TRRAP: variants seen among roughly 807,000 people sequenced by gnomAD.
TRRAP encodes the protein transformation/transcription domain associated protein, also known as transformation/transcription domain-associated protein.
TRRAP carries 41 observed loss-of-function variants against 438.8 expected under a neutral mutation model. The observed-to-expected ratio is 0.09, with a 90% CI of 0.07 to 0.12. The LOEUF (loss-of-function observed/expected upper bound fraction) is 0.12. Ranked by LOEUF, TRRAP falls within the 10% of genes least tolerant of loss-of-function variation. TRRAP has a pLI of 1.00. For synonymous variants in TRRAP, 1,994 were observed against 1,962.9 expected (o/e 1.02, Z -0.42); for missense variants, 3,122 against 5,055.1 (o/e 0.62, Z 11.60).
At chr7:99,002,257 G>A (rs149929860) in intron 67 of TRRAP, among the ~76,000 whole-genome samples, 5 of 152,298 alleles carry the variant, frequency 3.3e-5, no homozygotes, top group Non-Finnish European at 5.9e-5. Context: ...AGAGGTGTGC[G>A]CATGCATACA....
In TRRAP at chr7:98,971,987, T is replaced by C. The variant is rs1584378229; in HGVS notation, c.7839+42T>C. 6 of 1,600,886 alleles carry C rather than the reference T, an allele frequency of 3.7e-6. No homozygotes were observed. In the East Asian group the frequency reaches 1.3e-4, roughly 36 times the overall value. On this transcript the variant is annotated intron_variant, in intron 53 of 72. Coordinates refer to ENST00000456197, the MANE Select transcript of TRRAP (RefSeq NM_001375524.1). ...GAAAGGATTCGTTGCTTTCCTCCCA[T>C]GGACAGTTCAAAGCCTAAATCAGGA...
rs782311270 is a variant in TRRAP, at chr7:98,949,776, G to A, written c.5070G>A (p.Glu1690=). ...ACTTCCAAGAGAGGCACCGCAAGGA[G>A]AACATGGCAGCCACCAACTGGAAGG... is the stretch of plus-strand genomic sequence containing the variant. ...SENFQERHRK[E]NMAATNWKEP... is the part of the protein sequence containing the mutation. The change falls in exon 37 of 73, where the codon GAG becomes GAA. Residue 1690 remains glutamate (E), a synonymous_variant. Coordinates refer to ENST00000456197, the MANE Select transcript of TRRAP (RefSeq NM_001375524.1). 8.1e-6 allele frequency: 13 copies of A among 1,613,740 alleles called. No individual in the cohort carries two copies. The highest frequency in any genetic ancestry group is 5.0e-5 in the Admixed American group (3 of 60,006).
At chr7:98,897,622 C>G in intron 7 of TRRAP, 119 bp from the exon 8 acceptor site, 1 of 1,306,674 alleles carries the variant, frequency 7.7e-7, no homozygotes, top group Non-Finnish European at 1.0e-6. Flanking sequence ...AAATGTAGAA[C>G]ATACTGTTTT....
At chr7:98,993,878 A>T in intron 66 of TRRAP, 141 bp downstream of exon 66, 2 of 791,312 alleles carry the variant, frequency 2.5e-6, no homozygotes, top group South Asian at 3.5e-5. Context: ...TGGACCAGGC[A>T]AATAGCTATC....
At chr7:98,966,835 G>T (rs1792180579) in intron 49 of TRRAP, among the ~76,000 whole-genome samples, 2 of 152,108 alleles carry the variant, frequency 1.3e-5, no homozygotes, top group African/African-American at 4.8e-5. Context: ...ATTTACAGTT[G>T]CTTTCTCTCT....
intron 1 of TRRAP, among the ~76,000 whole-genome samples, chr7:98,879,039 A>T (rs1378413832): frequency 6.6e-6 from 1 of 151,196 alleles, no homozygotes; most frequent in East Asian, 2.0e-4. Flanking sequence ...CCGGGCCTCT[A>T]CGCCGGCACT....
At chr7:98,939,616 A>G (rs782350181) in intron 30 of TRRAP, among the ~76,000 whole-genome samples, 1 of 152,238 alleles carries the variant, frequency 6.6e-6, no homozygotes, top group Non-Finnish European at 1.5e-5. Flanking sequence ...ATACACACCT[A>G]TCAGTTTCCA....
intron 11 of TRRAP, 102 bp downstream of exon 11, chr7:98,900,822 A>G: frequency 2.3e-6 from 2 of 886,254 alleles, no homozygotes; most frequent in South Asian, 1.7e-5. Context: ...AAATATTGGT[A>G]ATCATTACTA....
Position 99,011,326 on chromosome 7 carries a change from CCTT to C in TRRAP, c.11143-12_11143-10del. On this transcript the variant is annotated splice_polypyrimidine_tract_variant and intron_variant, in intron 71 of 72. Transcript: ENST00000456197. This position sits in a 1 kb window ranked among gnomAD's most constrained non-coding sequence, Gnocchi z 7.1. ...TTCTGCTGAAGTTCCTAAAGTGTCTCCTTCTGAAATTTAGGACACTGGCAAACT... is the reference window on the plus strand; with the variant it reads ...TTCTGCTGAAGTTCCTAAAGTGTCTCCTGAAATTTAGGACACTGGCAAACT... The C allele has an allele frequency of 1.2e-6, 2 of 1,613,270 alleles. No homozygotes were observed. Among genetic ancestry groups the C allele is most frequent in the South Asian group, 1.1e-5 (1 of 91,056 alleles).
At chr7:98,999,542 G>T in intron 67 of TRRAP, 1 of 726,392 alleles carries the variant, frequency 1.4e-6, no homozygotes, top group Non-Finnish European at 2.5e-6. Flanking sequence ...TCTTGCTTAA[G>T]AAACTGCATC....
intron 23 of TRRAP, among the ~76,000 whole-genome samples, chr7:98,928,482 G>T (rs1790155509): frequency 2.0e-5 from 3 of 152,116 alleles, no homozygotes; most frequent in African/African-American, 7.2e-5. Context: ...GTACAATTTA[G>T]CACTTTGATT....
intron 50 of TRRAP, 28 bp downstream of exon 50, chr7:98,967,190 C>T: frequency 6.2e-7 from 1 of 1,604,074 alleles, no homozygotes; most frequent in Non-Finnish European, 8.5e-7. Flanking sequence ...TCAAGTACTA[C>T]ATATATTGGT....
intron 58 of TRRAP, 110 bp from the exon 59 acceptor site, chr7:98,981,659 A>C: frequency 9.3e-7 from 1 of 1,076,580 alleles, no homozygotes; most frequent in South Asian, 1.6e-5. Flanking sequence ...ATTTCTGTGT[A>C]TTGCCTTGCA....
At chr7:98,922,059 G>A (rs1183659344) in intron 21 of TRRAP, 106 bp downstream of exon 21, 14 of 1,459,030 alleles carry the variant, frequency 9.6e-6, no homozygotes, top group Non-Finnish European at 1.2e-5. Context: ...TCTCTGAGTA[G>A]AACCAGTTGT....
rs1385008199 is a variant in TRRAP at position 98,927,218 on chromosome 7, C to T, written c.3027C>T (p.Ala1009=). 1 of 1,614,074 alleles carries T rather than the reference C, an allele frequency of 6.2e-7. No homozygotes were observed. The highest frequency in any genetic ancestry group is 1.3e-5 in the African/African-American group (1 of 74,908). ...TTATCATCTCACATCGCTACAAAGC[C>T]CAGGACACTCCAGCCCGGAAGACTT... The part of the protein sequence containing the change: ...PNVIISHRYK[A]QDTPARKTFE... Residue 1009 remains alanine, a synonymous_variant, in exon 23 of 73, where the codon GCC becomes GCT. Coordinates refer to ENST00000456197, the MANE Select transcript of TRRAP (RefSeq NM_001375524.1).
chr7:98,908,633 T>C lies in TRRAP; in HGVS notation c.1116-95T>C. The C allele has an allele frequency of 2.7e-6, 3 of 1,098,038 alleles. No homozygotes were observed. The highest frequency in any genetic ancestry group is 1.4e-5 in the South Asian group (1 of 69,300). 68.0% of individuals were successfully genotyped at this position (1,098,038 alleles called of 1,614,324 possible). A position where few individuals can be genotyped will look rare whatever the true frequency, so the allele number is the denominator to read the frequency against. ...CCATGTAAGTGTGCCGACCCAGGGGTGGTGTTCCTGGGGCAGATGGTGATA... is the reference window on the plus strand; with the variant it reads ...CCATGTAAGTGTGCCGACCCAGGGGCGGTGTTCCTGGGGCAGATGGTGATA... On this transcript the variant is annotated intron_variant, in intron 13 of 72. Coordinates refer to ENST00000456197, the MANE Select transcript of TRRAP (RefSeq NM_001375524.1). The surrounding 1 kb of genome is among the most constrained non-coding windows in gnomAD (Gnocchi z 4.1).
chr7:98,935,219 CTGA>C (rs1554413939), intron 27 of TRRAP, among the ~76,000 whole-genome samples: 1 of 151,914 alleles, frequency 6.6e-6, no homozygotes, highest in Non-Finnish European at 1.5e-5. Context: ...CCTGGGGAGG[CTGA>C]TCTGAACCAG....
chr7:98,891,741 T>C (rs1554404947), intron 4 of TRRAP, among the ~76,000 whole-genome samples: 1 of 151,066 alleles, frequency 6.6e-6, no homozygotes, highest in Non-Finnish European at 1.5e-5. Flanking sequence ...GGTTTCACCA[T>C]GTTAGCCAGG....
At chr7:98,958,120 G>A in intron 44 of TRRAP, 29 bp downstream of exon 44, 2 of 1,596,576 alleles carry the variant, frequency 1.3e-6, no homozygotes, top group Non-Finnish European at 1.7e-6. Flanking sequence ...CTGCGTTAGG[G>A]CTTCTGCAGA....
Sources: allele counts gnomAD v4.1 joint callset (sites outside exome capture counted in the v4.1 genomes callset), GRCh38; gene constraint gnomAD v4.1.1; non-coding constraint Gnocchi (gnomAD v3.1); transcripts MANE v1.5; gene names NCBI Gene and HGNC (gene_info 2026-07-23, HGNC 2026-07-21).